The following SLC4A4 variants were observed in gnomAD, a reference collection of about 807,000 sequenced individuals.
SLC4A4 encodes the protein electrogenic sodium bicarbonate cotransporter 1.
SLC4A4 carries 27 observed loss-of-function variants against 111.5 expected under a neutral mutation model. That is an observed-to-expected ratio of 0.24 (90% CI 0.18 to 0.33). The LOEUF (loss-of-function observed/expected upper bound fraction) is 0.33. Ranked by LOEUF, SLC4A4 falls within the 10% of genes least tolerant of loss-of-function variation. The pLI, the probability that SLC4A4 is intolerant of heterozygous loss-of-function variation, is 1.00. For synonymous variants in SLC4A4, 443 were observed against 463.4 expected (o/e 0.96, Z 0.57); for missense variants, 909 against 1,315.5 (o/e 0.69, Z 4.78).
rs779558159 is a variant in SLC4A4 at position 71,547,730 on chromosome 4, T to A, written c.2694+10T>A. ...GGCTCCCATCTTGAAGGTAAATATGTGAAACATTCACCTCTTCCTTCTCAG... is the reference window on the plus strand; with the variant it reads ...GGCTCCCATCTTGAAGGTAAATATGAGAAACATTCACCTCTTCCTTCTCAG... On this transcript the variant is annotated intron_variant, in intron 20 of 25. Transcript: ENST00000264485. 7.9e-5 allele frequency: 127 copies of A among 1,601,432 alleles called. No homozygotes were observed. In the Middle Eastern group the frequency reaches 1.3e-3, roughly 17 times the overall value.
chr4:71,288,614 G>T (rs959605226), intron 3 of SLC4A4, among the ~76,000 whole-genome samples: 14 of 152,128 alleles, frequency 9.2e-5, no homozygotes, highest in African/African-American at 3.1e-4. Flanking sequence ...GGCCAGGCTG[G>T]TCTTGTACTC....
chr4:71,536,465 C>CT (rs1734451595), intron 18 of SLC4A4, among the ~76,000 whole-genome samples: 1 of 40,706 alleles, frequency 2.5e-5, no homozygotes, highest in Non-Finnish European at 4.9e-5. Context: ...TACATATATA[C>CT]ATATATATAT....
At chr4:71,419,552 T>C (rs993856197) in intron 7 of SLC4A4, among the ~76,000 whole-genome samples, 8 of 152,172 alleles carry the variant, frequency 5.3e-5, no homozygotes, top group African/African-American at 7.2e-5. Flanking sequence ...GTCGGAAAAG[T>C]GCAGTATTTG....
intron 18 of SLC4A4, among the ~76,000 whole-genome samples, chr4:71,536,457 C>CATACATATATATATATAT (rs1553928530): frequency 1.9e-4 from 6 of 31,412 alleles, no homozygotes; most frequent in Admixed American, 5.2e-4. Context: ...TACATATATA[C>CATACATATATATATATAT]ATATATACAT....
intron 17 of SLC4A4, among the ~76,000 whole-genome samples, chr4:71,533,505 C>T (rs1049198033): frequency 1.3e-5 from 2 of 151,946 alleles, no homozygotes; most frequent in African/African-American, 2.4e-5. Flanking sequence ...TAAGGAAAAG[C>T]GTAGGAAACC....
intron 5 of SLC4A4, among the ~76,000 whole-genome samples, chr4:71,356,776 T>C (rs1730319170): frequency 6.6e-6 from 1 of 152,224 alleles, no homozygotes; most frequent in African/African-American, 2.4e-5. Flanking sequence ...GAATACATCA[T>C]ATCTGGGCCT....
chr4:71,152,798 C>T (rs1318755187), intron 2 of SLC4A4, among the ~76,000 whole-genome samples: 2 of 151,278 alleles, frequency 1.3e-5, no homozygotes, highest in Admixed American at 1.3e-4. Flanking sequence ...TTTTTCTATG[C>T]TTATTTCACC....
chr4:71,482,405 A>G (rs1293980357), intron 14 of SLC4A4, among the ~76,000 whole-genome samples: 6 of 151,614 alleles, frequency 4.0e-5, no homozygotes, highest in African/African-American at 1.5e-4. Context: ...TTGAAATTCT[A>G]AAAGGAATTT....
chr4:71,156,459 A>G (rs1744466431), intron 2 of SLC4A4, among the ~76,000 whole-genome samples: 1 of 152,168 alleles, frequency 6.6e-6, no homozygotes, highest in African/African-American at 2.4e-5. Flanking sequence ...GCAAATAAAA[A>G]TCATAGAACT....
chr4:71,421,029 A>C (rs1246450397), intron 7 of SLC4A4, among the ~76,000 whole-genome samples: 4 of 143,914 alleles, frequency 2.8e-5, no homozygotes, highest in Non-Finnish European at 4.6e-5. Context: ...CAATTAAAAG[A>C]CACAGACTGG....
intron 13 of SLC4A4, among the ~76,000 whole-genome samples, chr4:71,466,966 G>GAGA (rs369970583): frequency 0.051 from 4,465 of 87,726 alleles, 330 homozygotes; most frequent in South Asian, 0.056. Context: ...AGAGAGAGAG[G>GAGA]GAGAGAGAGA....
chr4:71,206,671 C>T (rs1352133760), intron 1 of SLC4A4, among the ~76,000 whole-genome samples: 1 of 152,090 alleles, frequency 6.6e-6, no homozygotes, highest in Admixed American at 6.6e-5. Flanking sequence ...AAAGATCAAA[C>T]TGTTAACTCC....
intron 16 of SLC4A4, among the ~76,000 whole-genome samples, chr4:71,507,543 C>T: frequency 6.6e-6 from 1 of 152,146 alleles, no homozygotes. Context: ...GAAGAGCTAA[C>T]TATCCTAAAT....
intron 2 of SLC4A4, among the ~76,000 whole-genome samples, chr4:71,158,910 C>T (rs1349872452): frequency 1.3e-5 from 2 of 152,112 alleles, no homozygotes; most frequent in African/African-American, 4.8e-5. Context: ...TGGCGTATCC[C>T]TTTATTTTCA....
chr4:71,086,780 C>G (rs943545513), intron 1 of SLC4A4, among the ~76,000 whole-genome samples: 2 of 151,972 alleles, frequency 1.3e-5, no homozygotes, highest in East Asian at 3.9e-4. Context: ...AGATAAGCTT[C>G]TTGATGGGCT....
chr4:71,072,644 C>A (rs1375324277), intron 1 of SLC4A4, among the ~76,000 whole-genome samples: 1 of 151,926 alleles, frequency 6.6e-6, no homozygotes, highest in Non-Finnish European at 1.5e-5. Flanking sequence ...ATTGGGATTA[C>A]ATTACAGTTA....
intron 1 of SLC4A4, among the ~76,000 whole-genome samples, chr4:71,091,233 C>A (rs1395227721): frequency 6.6e-6 from 1 of 151,260 alleles, no homozygotes; most frequent in Non-Finnish European, 1.5e-5. Context: ...CAGGCGTGAG[C>A]CACTGTGCCT....
intron 7 of SLC4A4, among the ~76,000 whole-genome samples, chr4:71,411,635 T>TA (rs917497271): frequency 4.6e-5 from 7 of 151,270 alleles, no homozygotes; most frequent in African/African-American, 9.7e-5. Flanking sequence ...AAAAAGCAGT[T>TA]AAAAAAAAAG....
At chr4:71,088,890 T>A (rs2148939178) in intron 1 of SLC4A4, among the ~76,000 whole-genome samples, 1 of 152,164 alleles carries the variant, frequency 6.6e-6, no homozygotes, top group Admixed American at 6.5e-5. Context: ...GGCTTGGAGT[T>A]GCTCTTCTTG....
Sources: allele counts gnomAD v4.1 joint callset (sites outside exome capture counted in the v4.1 genomes callset), GRCh38; gene constraint gnomAD v4.1.1; transcripts MANE v1.5; gene names NCBI Gene and HGNC (gene_info 2026-07-23, HGNC 2026-07-21).